PRR7: variants seen among roughly 807,000 people sequenced by gnomAD.
PRR7 encodes the protein proline-rich protein 7.
PRR7 carries 8 observed loss-of-function variants against 18.5 expected under a neutral mutation model. That is an observed-to-expected ratio of 0.43 (90% confidence interval 0.25 to 0.78). PRR7 has a LOEUF of 0.78. Among genes scored for constraint, PRR7 ranks in the 30% least tolerant of loss-of-function variants. The pLI, the probability that PRR7 is intolerant of heterozygous loss-of-function variation, is 0.22. For missense variants in PRR7, 396 were observed against 403.1 expected (o/e 0.98, Z 0.15); for synonymous variants, 221 against 187.7 (o/e 1.18, Z -1.45).
rs1756072098 is a variant in PRR7 at position 177,449,311 on chromosome 5, T to G, written c.-325+2351T>G. 6.6e-6 allele frequency among the ~76,000 whole-genome samples: 1 copy of G among 152,202 alleles called. No homozygotes were observed. The highest frequency in any genetic ancestry group is 1.5e-5 in the Non-Finnish European group (1 of 68,028). On this transcript the variant is annotated intron_variant, in intron 1 of 3. Transcript: ENST00000323249. The surrounding 1 kb of genome is among the most constrained non-coding windows in gnomAD (Gnocchi z 4.2). Reference sequence around the variant, plus strand: ...CACTGTGACACCAGGGGCTGCTTTCTGCATTTGAGCCTCTTGAGGCTGCAG... The same window carrying G: ...CACTGTGACACCAGGGGCTGCTTTCGGCATTTGAGCCTCTTGAGGCTGCAG...
Position 177,455,443 on chromosome 5 carries a change from C to T in PRR7, c.376C>T (p.Pro126Ser), listed in dbSNP as rs1756372033. The T allele has an allele frequency of 6.6e-7, 1 of 1,506,304 alleles. No individual in the cohort carries two copies. The highest frequency in any genetic ancestry group is 2.1e-5 in the Admixed American group (1 of 47,542). 93.3% of individuals were successfully genotyped at this position (1,506,304 alleles called of 1,614,324 possible). ...GCACCACCACGCGCTCCCGCACCCG[C>T]CGCCTACGCACCTGTCGGTGCCGCC... ...HPHHHALPHP[P>S]PTHLSVPPRP... is the part of the protein sequence containing the mutation. Residue 126 changes from proline to serine, a missense_variant, in exon 3 of 4, where the codon CCG becomes TCG. Physicochemically the swap from Pro to Ser is moderately conservative, Grantham distance 74. Coordinates refer to ENST00000323249, the MANE Select transcript of PRR7 (RefSeq NM_030567.5). The surrounding 1 kb of genome is among the most constrained non-coding windows in gnomAD (Gnocchi z 6.9).
Position 177,455,415 on chromosome 5 carries a change from C to A in PRR7, c.348C>A (p.His116Gln). 6.6e-7 allele frequency: 1 copy of A among 1,503,984 alleles called. No homozygotes were observed. The highest frequency in any genetic ancestry group is 8.8e-7 in the Non-Finnish European group (1 of 1,133,492). 93.2% of individuals were successfully genotyped at this position (1,503,984 alleles called of 1,614,324 possible). The change falls in exon 3 of 4, where the codon CAC becomes CAA. Residue 116 changes from histidine to glutamine, a missense_variant. His to Gln is a conservative substitution (Grantham distance 24). This residue lies in a region of PRR7 where 383 missense variants were observed against 372.6 expected (regional missense o/e 1.03). Coordinates refer to ENST00000323249, the MANE Select transcript of PRR7 (RefSeq NM_030567.5). This position sits in a 1 kb window ranked among gnomAD's most constrained non-coding sequence, Gnocchi z 6.9. ...PAQPHAHAHP[H>Q]PHHHALPHPP... ...AGCCGCACGCGCACGCGCACCCACA[C>A]CCGCACCACCACGCGCTCCCGCACC...
At position 177,455,176 on chromosome 5, in the gene PRR7, C is replaced by T; in HGVS notation, c.109C>T (p.Arg37Cys). ...LCCFCSFLRR[R>C]LKRRQEERLR... ...CTGCTTCTGCAGCTTCCTGCGCCGC[C>T]GCCTCAAACGGCGCCAGGAGGAGCG... Residue 37 changes from arginine (R) to cysteine (C), a missense_variant, in exon 3 of 4, where the codon CGC becomes TGC. Coordinates refer to ENST00000323249, the MANE Select transcript of PRR7 (RefSeq NM_030567.5). This position sits in a 1 kb window ranked among gnomAD's most constrained non-coding sequence, Gnocchi z 6.9. 1.3e-6 allele frequency: 2 copies of T among 1,574,638 alleles called. No homozygotes were observed. The highest frequency in any genetic ancestry group is 1.7e-6 in the Non-Finnish European group (2 of 1,165,662).
At position 177,455,659 on chromosome 5, in the gene PRR7, C is replaced by CA; in HGVS notation, c.428-65_428-64insA. 6.9e-7 allele frequency: 1 copy of CA among 1,452,322 alleles called. No individual in the cohort carries two copies. The highest frequency in any genetic ancestry group is 1.9e-4 in the Middle Eastern group (1 of 5,166). The allele number at this position is 1,452,322 out of a possible 1,614,324, so 90.0% of individuals were successfully genotyped here. A position where few individuals can be genotyped will look rare whatever the true frequency, so the allele number is the denominator to read the frequency against. On this transcript the variant is annotated intron_variant, in intron 3 of 3. Transcript: ENST00000323249. The surrounding 1 kb of genome is among the most constrained non-coding windows in gnomAD (Gnocchi z 6.9). ...GGCTGGGGCGCGGGCGGCCCCTGGC[C>CA]GGGGCCTCTGCGAGAGGCTGGGAAC...
chr5:177,453,172 T>C (rs1756238150), intron 1 of PRR7, among the ~76,000 whole-genome samples: 1 of 152,204 alleles, frequency 6.6e-6, no homozygotes, highest in Non-Finnish European at 1.5e-5. Context: ...GCGTGGTCCT[T>C]GAAAGATATT....
chr5:177,452,653 G>A (rs1472802198), intron 1 of PRR7, among the ~76,000 whole-genome samples: 1 of 152,166 alleles, frequency 6.6e-6, no homozygotes, highest in Non-Finnish European at 1.5e-5. Flanking sequence ...GGCTAGTTAT[G>A]TGACCTTAAG....
At position 177,454,663 on chromosome 5, in the gene PRR7, A is replaced by G. The variant is rs1337165049; in HGVS notation, c.-239-166A>G. On this transcript the variant is annotated intron_variant, in intron 2 of 3. Coordinates refer to ENST00000323249, the MANE Select transcript of PRR7 (RefSeq NM_030567.5). This position sits in a 1 kb window ranked among gnomAD's most constrained non-coding sequence, Gnocchi z 4.7. ...AGATCGGGGAAACCCTACCGGGGAA[A>G]CCTCGAGGCGTGACGTCACCCTCCT... Among the ~76,000 whole-genome samples, 5 of 151,162 alleles carry G rather than the reference A, an allele frequency of 3.3e-5. No individual in the cohort carries two copies.
rs1006547273 is a variant in PRR7, at chr5:177,455,016, G to A, written c.-52G>A. On this transcript the variant is annotated 5_prime_UTR_variant, in exon 3 of 4. Transcript: ENST00000323249. The surrounding 1 kb of genome is among the most constrained non-coding windows in gnomAD (Gnocchi z 6.9). The stretch of plus-strand genomic sequence containing the variant: ...TGGCGCGGGCCCGGGGCCACGCAGC[G>A]GAGCCCAGTGTCCAGTGAAGCGTCT... The A allele has an allele frequency of 1.4e-6, 2 of 1,397,806 alleles. No individual in the cohort carries two copies. The highest frequency in any genetic ancestry group is 1.9e-6 in the Non-Finnish European group (2 of 1,075,900). The allele number at this position is 1,397,806 out of a possible 1,614,324, so 86.6% of individuals were successfully genotyped here. A position where few individuals can be genotyped will look rare whatever the true frequency, so the allele number is the denominator to read the frequency against.
chr5:177,447,179 G>T (rs1003895377), intron 1 of PRR7, among the ~76,000 whole-genome samples: 2 of 152,126 alleles, frequency 1.3e-5, no homozygotes, highest in African/African-American at 4.8e-5. Flanking sequence ...GCCGCCACCA[G>T]TTCGCTTGGA....
At position 177,455,073 on chromosome 5, in the gene PRR7, G is replaced by C. The variant is rs772340862; in HGVS notation, c.6G>C (p.Val2=). 6.8e-7 allele frequency: 1 copy of C among 1,461,714 alleles called. No individual in the cohort carries two copies. The highest frequency in any genetic ancestry group is 1.5e-5 in the African/African-American group (1 of 67,724). 90.5% of individuals were successfully genotyped at this position (1,461,714 alleles called of 1,614,324 possible). Residue 2 remains valine (V), a synonymous_variant, in exon 3 of 4, where the codon GTG becomes GTC. Coordinates refer to ENST00000323249, the MANE Select transcript of PRR7 (RefSeq NM_030567.5). The surrounding 1 kb of genome is among the most constrained non-coding windows in gnomAD (Gnocchi z 6.9). ...CCGCCGCCCGTGCCGCCGCCATGGT[G>C]ATGTCCCAGGGCACCTACACGTTCC... M[V]MSQGTYTFLT...
Position 177,455,767 on chromosome 5 carries a change from G to A in PRR7, c.471G>A (p.Val157=), listed in dbSNP as rs1481509756. The A allele has an allele frequency of 6.2e-7, 1 of 1,609,512 alleles. No homozygotes were observed. The highest frequency in any genetic ancestry group is 8.5e-7 in the Non-Finnish European group (1 of 1,178,524). Residue 157 remains valine, a synonymous_variant, in exon 4 of 4, where the codon GTG becomes GTA. Transcript: ENST00000323249. The surrounding 1 kb of genome is among the most constrained non-coding windows in gnomAD (Gnocchi z 6.9). ...MSKPPCYEEA[V]LMAEPPPPYS... is the part of the protein sequence containing the mutation. Reference sequence around the variant, plus strand: ...AACCACCGTGTTACGAAGAGGCGGTGCTGATGGCAGAGCCGCCGCCGCCCT... The same window carrying A: ...AACCACCGTGTTACGAAGAGGCGGTACTGATGGCAGAGCCGCCGCCGCCCT...
At chr5:177,446,398 TCGGG>T (rs1334045779), upstream of PRR7, 1 of 152,448 alleles carries the variant, frequency 6.6e-6, no homozygotes, top group Non-Finnish European at 1.5e-5. This position sits in a 1 kb window ranked among gnomAD's most constrained non-coding sequence, Gnocchi z 5.3. Flanking sequence ...GCCTGCCTGC[TCGGG>T]GGCCCCTGCC....
intron 1 of PRR7, among the ~76,000 whole-genome samples, chr5:177,453,645 T>C (rs991755355): frequency 6.6e-6 from 1 of 151,760 alleles, no homozygotes; most frequent in Non-Finnish European, 1.5e-5. Flanking sequence ...GAGGGTAGGG[T>C]CCGTGGGGCT....
chr5:177,449,212 G>A lies in PRR7; in HGVS notation c.-325+2252G>A, dbSNP rs899237099. Among the ~76,000 whole-genome samples, 1 of 152,224 alleles carries A rather than the reference G, an allele frequency of 6.6e-6. No homozygotes were observed. The highest frequency in any genetic ancestry group is 2.4e-5 in the African/African-American group (1 of 41,448). ...TGTCTGAGAACTGTGTCCAACCTAA[G>A]GGTCCTGTGTCTGAGACCTCTGGTC... is the stretch of plus-strand genomic sequence containing the variant. On this transcript the variant is annotated intron_variant, in intron 1 of 3. Coordinates refer to ENST00000323249, the MANE Select transcript of PRR7 (RefSeq NM_030567.5). This position sits in a 1 kb window ranked among gnomAD's most constrained non-coding sequence, Gnocchi z 4.2.
chr5:177,454,895 G>A lies in PRR7; in HGVS notation c.-173G>A. The A allele has an allele frequency of 1.1e-6, 1 of 899,904 alleles. No homozygotes were observed. The highest frequency in any genetic ancestry group is 1.4e-6 in the Non-Finnish European group (1 of 691,816). 55.7% of individuals were successfully genotyped at this position (899,904 alleles called of 1,614,324 possible). ...GGCGCCATGGGAAGGAGCGGGCGCCGCTGCTGTCCCCCGCCGGCGCGCGCA... is the reference window on the plus strand; with the variant it reads ...GGCGCCATGGGAAGGAGCGGGCGCCACTGCTGTCCCCCGCCGGCGCGCGCA... On this transcript the variant is annotated 5_prime_UTR_variant, in exon 3 of 4. Transcript: ENST00000323249. This position sits in a 1 kb window ranked among gnomAD's most constrained non-coding sequence, Gnocchi z 4.7.
At chr5:177,448,397 A>C (rs1295232449) in intron 1 of PRR7, 1 of 151,986 alleles carries the variant, frequency 6.6e-6, no homozygotes, top group Non-Finnish European at 1.5e-5. Flanking sequence ...TTTTTACAAC[A>C]GTTGCGCAAG....
chr5:177,455,605 G>C lies in PRR7; in HGVS notation c.427+111G>C. 1.4e-6 allele frequency: 2 copies of C among 1,396,646 alleles called. No individual in the cohort carries two copies. Among genetic ancestry groups the C allele is most frequent in the Non-Finnish European group, 1.9e-6 (2 of 1,075,334 alleles). 86.5% of individuals were successfully genotyped at this position (1,396,646 alleles called of 1,614,324 possible). On this transcript the variant is annotated intron_variant, in intron 3 of 3. Coordinates refer to ENST00000323249, the MANE Select transcript of PRR7 (RefSeq NM_030567.5). The surrounding 1 kb of genome is among the most constrained non-coding windows in gnomAD (Gnocchi z 6.9). ...CCATCCGCAGCCTCCGGGAGAACAC[G>C]GGCGGCGGCGGGCTCGGGTTCGGGC...
At chr5:177,446,074 G>GT (rs1477338637), upstream of PRR7, 4 of 151,086 alleles carry the variant, frequency 2.6e-5, no homozygotes, top group African/African-American at 9.7e-5. The surrounding 1 kb of genome is among the most constrained non-coding windows in gnomAD (Gnocchi z 5.3). Flanking sequence ...TAATATGGTG[G>GT]TGGAGGGGTT....
rs747833557 is a variant in PRR7 at position 177,455,459 on chromosome 5, C to G, written c.392C>G (p.Ser131Trp). The G allele has an allele frequency of 1.0e-5, 15 of 1,505,912 alleles. No homozygotes were observed. Among genetic ancestry groups the G allele is most frequent in the Admixed American group, 2.1e-5 (1 of 47,282 alleles). The allele number at this position is 1,505,912 out of a possible 1,614,324, so 93.3% of individuals were successfully genotyped here. A position where few individuals can be genotyped will look rare whatever the true frequency, so the allele number is the denominator to read the frequency against. Residue 131 changes from serine to tryptophan, a missense_variant, in exon 3 of 4, where the codon TCG (serine) becomes TGG (tryptophan). Physicochemically the swap from Ser to Trp is radical, Grantham distance 177. This residue lies in a region of PRR7 where 383 missense variants were observed against 372.6 expected (regional missense o/e 1.03). Coordinates refer to ENST00000323249, the MANE Select transcript of PRR7 (RefSeq NM_030567.5). The surrounding 1 kb of genome is among the most constrained non-coding windows in gnomAD (Gnocchi z 6.9). ...CCGCACCCGCCGCCTACGCACCTGT[C>G]GGTGCCGCCACGGCCCTGGAGCTAC... ...ALPHPPPTHL[S>W]VPPRPWSYPR...
Sources: allele counts gnomAD v4.1 joint callset (sites outside exome capture counted in the v4.1 genomes callset), GRCh38; gene constraint gnomAD v4.1.1; regional missense constraint gnomAD v4.1.1; non-coding constraint Gnocchi (gnomAD v3.1); transcripts MANE v1.5; gene names NCBI Gene and HGNC (gene_info 2026-07-23, HGNC 2026-07-21).